Variants in PDE1A observed in about 807,000 individuals in gnomAD.
The protein encoded by PDE1A is dual specificity calcium/calmodulin-dependent 3',5'-cyclic nucleotide phosphodiesterase 1A.
A neutral mutation model predicts 61.7 loss-of-function variants in PDE1A; 35 were observed. That is an observed-to-expected ratio of 0.57 (90% CI 0.43 to 0.75). The LOEUF (loss-of-function observed/expected upper bound fraction) is 0.75. Ranked by LOEUF, PDE1A falls within the 30% of genes least tolerant of loss-of-function variation. The pLI, the probability that PDE1A is intolerant of heterozygous loss-of-function variation, is 0.00. For missense variants in PDE1A, 597 were observed against 630.6 expected (o/e 0.95, Z 0.57); for synonymous variants, 232 against 213.2 (o/e 1.09, Z -0.77).
At chr2:182,368,978 T>A (rs1412052589) in intron 1 of PDE1A, among the ~76,000 whole-genome samples, 1 of 152,204 alleles carries the variant, frequency 6.6e-6, no homozygotes, top group Non-Finnish European at 1.5e-5. Context: ...ATATTTTGGT[T>A]ACTCAACCGG....
chr2:182,386,025 G>A (rs886707237), intron 1 of PDE1A, among the ~76,000 whole-genome samples: 1 of 152,222 alleles, frequency 6.6e-6, no homozygotes, highest in African/African-American at 2.4e-5. Flanking sequence ...ACGCCTGACT[G>A]TGTTTTTTTG....
intron 2 of PDE1A, among the ~76,000 whole-genome samples, chr2:182,438,943 A>C (rs1306272611): frequency 6.6e-6 from 1 of 152,008 alleles, no homozygotes; most frequent in Non-Finnish European, 1.5e-5. Context: ...AGCATGTTAG[A>C]GTAGTCTAGG....
intron 2 of PDE1A, among the ~76,000 whole-genome samples, chr2:182,513,915 C>T (rs1689975367): frequency 6.6e-6 from 1 of 152,154 alleles, no homozygotes; most frequent in African/African-American, 2.4e-5. Flanking sequence ...AATATATGCA[C>T]CCAACACTGG....
At chr2:182,554,026 G>A in the PDE1A span, among the ~76,000 whole-genome samples, 1 of 152,148 alleles carries the variant, frequency 6.6e-6, no homozygotes, top group Non-Finnish European at 1.5e-5. Context: ...GATCAGGTTT[G>A]TATTTCAGTA....
chr2:182,357,834 T>G (rs1043299988), intron 1 of PDE1A, among the ~76,000 whole-genome samples: 2 of 152,208 alleles, frequency 1.3e-5, no homozygotes, highest in Non-Finnish European at 2.9e-5. Flanking sequence ...CAAAGGCAGC[T>G]CCACTGAGTT....
chr2:182,652,549 C>T, the PDE1A span, among the ~76,000 whole-genome samples: 928 of 152,214 alleles, frequency 6.1e-3, 6 homozygotes, highest in African/African-American at 0.02. Context: ...CTATCCTCCC[C>T]AGCCACAGCC....
chr2:182,388,774 C>T (rs2125373325), intron 1 of PDE1A, among the ~76,000 whole-genome samples: 2 of 151,610 alleles, frequency 1.3e-5, no homozygotes, highest in East Asian at 3.9e-4. Flanking sequence ...ACAAATTAAG[C>T]TTAAAGTATA....
chr2:182,266,664 T>C (rs1692653556), intron 1 of PDE1A, among the ~76,000 whole-genome samples: 1 of 152,194 alleles, frequency 6.6e-6, no homozygotes. Context: ...GAGTAAATTC[T>C]TGCCACAGAT....
the PDE1A span, among the ~76,000 whole-genome samples, chr2:182,533,072 G>A: frequency 6.6e-6 from 1 of 151,950 alleles, no homozygotes; most frequent in African/African-American, 2.4e-5. Context: ...AGCACTTTGG[G>A]AGGCCAAAGC....
chr2:182,569,236 G>C, the PDE1A span, among the ~76,000 whole-genome samples: 3 of 130,538 alleles, frequency 2.3e-5, no homozygotes, highest in South Asian at 2.3e-4. Flanking sequence ...CTGAGTGACA[G>C]AGTGATAACC....
chr2:182,375,052 C>T (rs1700317989), intron 1 of PDE1A, among the ~76,000 whole-genome samples: 1 of 152,196 alleles, frequency 6.6e-6, no homozygotes, highest in Non-Finnish European at 1.5e-5. Flanking sequence ...GCTCCCATTA[C>T]TCAAATTATC....
At chr2:182,533,272 C>G in the PDE1A span, among the ~76,000 whole-genome samples, 3 of 152,214 alleles carry the variant, frequency 2.0e-5, no homozygotes, top group South Asian at 6.2e-4. Context: ...GATCACACCA[C>G]TGCACTCCAG....
chr2:182,451,987 T>TA (rs1244319298), intron 2 of PDE1A, among the ~76,000 whole-genome samples: 29 of 152,072 alleles, frequency 1.9e-4, no homozygotes, highest in Admixed American at 1.8e-3. Flanking sequence ...TTTTTTTTTT[T>TA]ATCTGAGTTT....
At chr2:182,466,356 C>T (rs1476097502) in intron 2 of PDE1A, among the ~76,000 whole-genome samples, 1 of 151,840 alleles carries the variant, frequency 6.6e-6, no homozygotes, top group Non-Finnish European at 1.5e-5. Context: ...AAAGAAAAAC[C>T]CTACATTTGT....
In PDE1A at chr2:182,194,881, T is replaced by TCACACACA. The variant is rs55809632; in HGVS notation, c.1126-5829_1126-5822dup. On this transcript the variant is annotated intron_variant, in intron 10 of 13. Transcript: ENST00000351439. The stretch of plus-strand genomic sequence containing the variant: ...ATTTCTCTGCATTTTTCTGAAATAT[T>TCACACACA]CACACACACACACACACACACACAC... 4.3e-3 allele frequency among the ~76,000 whole-genome samples: 627 copies of TCACACACA among 144,934 alleles called. 4 individuals are homozygous for TCACACACA. The highest frequency in any genetic ancestry group is 0.014 in the African/African-American group (569 of 39,730).
At chr2:182,218,322 TGAC>T in intron 7 of PDE1A, among the ~76,000 whole-genome samples, 1 of 148,436 alleles carries the variant, frequency 6.7e-6, no homozygotes, top group South Asian at 2.2e-4. Flanking sequence ...TAATGCTAGA[TGAC>T]GAGTTAGTGG....
upstream of PDE1A, among the ~76,000 whole-genome samples, chr2:182,527,969 G>T (rs56793665): frequency 0.066 from 10,023 of 152,070 alleles, 353 homozygotes; most frequent in Middle Eastern, 0.1. Context: ...CCATTAAACC[G>T]CTTTTTCTTT....
the PDE1A span, among the ~76,000 whole-genome samples, chr2:182,599,660 T>C: frequency 6.6e-6 from 1 of 151,844 alleles, no homozygotes; most frequent in Non-Finnish European, 1.5e-5. Context: ...AAATACAGAA[T>C]GCCCCCACTA....
At chr2:182,450,888 G>C (rs555139005) in intron 2 of PDE1A, among the ~76,000 whole-genome samples, 5 of 152,004 alleles carry the variant, frequency 3.3e-5, no homozygotes, top group Non-Finnish European at 7.4e-5. Context: ...ATCGGTTTCT[G>C]AAACAATAGA....
Sources: allele counts gnomAD v4.1 joint callset (sites outside exome capture counted in the v4.1 genomes callset), GRCh38; gene constraint gnomAD v4.1.1; transcripts MANE v1.5; gene names NCBI Gene and HGNC (gene_info 2026-07-23, HGNC 2026-07-21).